Variants in RBM46 observed in about 807,000 individuals in gnomAD.
RBM46 encodes RNA binding motif protein 46.
A neutral mutation model predicts 43.3 loss-of-function variants in RBM46; 12 were observed. The ratio of observed to expected loss-of-function variants is 0.28; its 90% CI spans 0.18 to 0.45. RBM46 has a LOEUF of 0.45. Ranked by LOEUF, RBM46 falls within the 20% of genes least tolerant of loss-of-function variation. The probability of loss-of-function intolerance (pLI) is 1.00; values close to 1 mark genes in which losing one functional copy is unlikely to be tolerated. For missense variants in RBM46, 412 were observed against 639.1 expected (o/e 0.64, Z 3.83); for synonymous variants, 205 against 207.6 (o/e 0.99, Z 0.11).
intron 1 of RBM46, among the ~76,000 whole-genome samples, chr4:154,795,862 C>T (rs1475194650): frequency 6.6e-6 from 1 of 151,976 alleles, no homozygotes; most frequent in Non-Finnish European, 1.5e-5. Context: ...AGACTGATTT[C>T]AAGAAATATT....
At chr4:154,790,083 A>G (rs907101909) in intron 1 of RBM46, among the ~76,000 whole-genome samples, 1 of 152,044 alleles carries the variant, frequency 6.6e-6, no homozygotes, top group African/African-American at 2.4e-5. Context: ...TAGTCTTGCT[A>G]GTGGTCTATC....
chr4:154,813,611 G>GT (rs1735290066), intron 4 of RBM46, among the ~76,000 whole-genome samples: 1 of 151,924 alleles, frequency 6.6e-6, no homozygotes, highest in Non-Finnish European at 1.5e-5. Context: ...AATCTATAAC[G>GT]TTTGATCAAG....
In RBM46 at chr4:154,828,556, A is replaced by T. The variant is rs1207643712; in HGVS notation, c.*489A>T. On this transcript the variant is annotated 3_prime_UTR_variant, in exon 5 of 5. Transcript: ENST00000281722. Reference sequence around the variant, plus strand: ...AATGATGAGACAAAAAGATTAAGATACAAATTTTGTGCAGTACTAAAGAAA... The same window carrying T: ...AATGATGAGACAAAAAGATTAAGATTCAAATTTTGTGCAGTACTAAAGAAA... 1.3e-5 allele frequency: 2 copies of T among 153,622 alleles called. No homozygotes were observed. Among genetic ancestry groups the T allele is most frequent in the African/African-American group, 4.8e-5 (2 of 41,452 alleles). The allele number at this position is 153,622 out of a possible 1,614,324, so 9.5% of individuals were successfully genotyped here. A position where few individuals can be genotyped will look rare whatever the true frequency, so the allele number is the denominator to read the frequency against.
At chr4:154,792,244 TTACTA>T (rs1277958686) in intron 1 of RBM46, among the ~76,000 whole-genome samples, 2 of 151,758 alleles carry the variant, frequency 1.3e-5, no homozygotes, top group African/African-American at 4.9e-5. Context: ...TATTTACAGA[TTACTA>T]TAAATAATAA....
At chr4:154,814,252 C>A (rs551976624) in intron 4 of RBM46, among the ~76,000 whole-genome samples, 100 of 152,098 alleles carry the variant, frequency 6.6e-4, no homozygotes, top group African/African-American at 2.4e-3. Flanking sequence ...TTCTTATTCT[C>A]CACTTTTTGA....
intron 1 of RBM46, among the ~76,000 whole-genome samples, chr4:154,792,747 T>C (rs756079603): frequency 6.6e-6 from 1 of 152,174 alleles, no homozygotes; most frequent in African/African-American, 2.4e-5. Flanking sequence ...GAACAATCTA[T>C]GTAAAGGAAC....
chr4:154,784,604 G>GA (rs1263875766), intron 1 of RBM46, among the ~76,000 whole-genome samples: 6 of 152,038 alleles, frequency 3.9e-5, no homozygotes, highest in Non-Finnish European at 5.9e-5. Flanking sequence ...ACAGTTTAGG[G>GA]AAAAAAATAC....
At chr4:154,819,269 T>C (rs763629295) in intron 4 of RBM46, among the ~76,000 whole-genome samples, 5 of 152,236 alleles carry the variant, frequency 3.3e-5, no homozygotes, top group Non-Finnish European at 7.3e-5. Context: ...TTAGTCTCTG[T>C]TAAAGTTTGT....
chr4:154,820,152 T>A (rs918869355), intron 4 of RBM46, among the ~76,000 whole-genome samples: 4 of 152,078 alleles, frequency 2.6e-5, no homozygotes, highest in Non-Finnish European at 4.4e-5. Flanking sequence ...ATCATAATTT[T>A]CATTCAAATA....
intron 1 of RBM46, among the ~76,000 whole-genome samples, chr4:154,782,476 T>G (rs1336010109): frequency 6.6e-6 from 1 of 152,170 alleles, no homozygotes; most frequent in African/African-American, 2.4e-5. Flanking sequence ...TAAGGAGTTT[T>G]TTTGTTTTGT....
At chr4:154,813,926 A>AG (rs1214617379) in intron 4 of RBM46, among the ~76,000 whole-genome samples, 1 of 152,038 alleles carries the variant, frequency 6.6e-6, no homozygotes, top group Non-Finnish European at 1.5e-5. Flanking sequence ...TTACTTTAAA[A>AG]TTTATATGGA....
intron 2 of RBM46, among the ~76,000 whole-genome samples, chr4:154,797,491 AT>A (rs545128764): frequency 4.1e-4 from 62 of 152,178 alleles, no homozygotes; most frequent in African/African-American, 1.4e-3. Flanking sequence ...TTCTTTCCAA[AT>A]GCCCTTTTCC....
At chr4:154,808,064 T>G (rs1417176451) in intron 4 of RBM46, among the ~76,000 whole-genome samples, 1 of 152,046 alleles carries the variant, frequency 6.6e-6, no homozygotes, top group African/African-American at 2.4e-5. Flanking sequence ...TAATTATGTT[T>G]ATAACTTTGG....
At chr4:154,824,090 C>CT (rs34202228) in intron 4 of RBM46, among the ~76,000 whole-genome samples, 2,143 of 145,294 alleles carry the variant, frequency 0.015, 42 homozygotes, top group East Asian at 0.076. Context: ...CAGTTGTTCT[C>CT]TTTTTTTTTT....
intron 1 of RBM46, among the ~76,000 whole-genome samples, chr4:154,786,941 A>G (rs1733803465): frequency 6.6e-6 from 1 of 152,150 alleles, no homozygotes; most frequent in Non-Finnish European, 1.5e-5. Context: ...AACAAAAACA[A>G]TAACTGTGTG....
At chr4:154,787,790 A>G (rs569705270) in intron 1 of RBM46, among the ~76,000 whole-genome samples, 1 of 152,342 alleles carries the variant, frequency 6.6e-6, no homozygotes, top group African/African-American at 2.4e-5. Flanking sequence ...ACTAGTTTAC[A>G]GTTCCACCAA....
chr4:154,793,639 T>A (rs752547247), intron 1 of RBM46, among the ~76,000 whole-genome samples: 6 of 152,182 alleles, frequency 3.9e-5, no homozygotes, highest in Non-Finnish European at 8.8e-5. Context: ...GTAGGAAGCC[T>A]GCAGGTGTTT....
intron 1 of RBM46, among the ~76,000 whole-genome samples, chr4:154,795,589 TCCCAGGTA>T (rs971583358): frequency 2.0e-4 from 30 of 152,272 alleles, no homozygotes; most frequent in African/African-American, 7.0e-4. Flanking sequence ...AGCCTCAAAC[TCCCAGGTA>T]CCTTTGAAGC....
chr4:154,813,674 G>A (rs1369994098), intron 4 of RBM46, among the ~76,000 whole-genome samples: 1 of 151,930 alleles, frequency 6.6e-6, no homozygotes, highest in Admixed American at 6.6e-5. Flanking sequence ...TCTAATCTTA[G>A]TTTATTACTA....
Sources: allele counts gnomAD v4.1 joint callset (sites outside exome capture counted in the v4.1 genomes callset), GRCh38; gene constraint gnomAD v4.1.1; transcripts MANE v1.5; gene names NCBI Gene and HGNC (gene_info 2026-07-23, HGNC 2026-07-21).